The following PI4KA variants were observed in gnomAD, a reference collection of about 807,000 sequenced individuals.
The protein encoded by PI4KA is phosphatidylinositol 4-kinase alpha.
PI4KA carries 122 observed loss-of-function variants against 271.4 expected under a neutral mutation model. The ratio of observed to expected loss-of-function variants is 0.45; its 90% CI spans 0.39 to 0.52. The LOEUF (loss-of-function observed/expected upper bound fraction) is 0.52. PI4KA is among the 20% of genes least tolerant of loss of function. The pLI, the probability that PI4KA is intolerant of heterozygous loss-of-function variation, is 0.00. For missense variants in PI4KA, 1,969 were observed against 2,769.1 expected, an observed-to-expected ratio of 0.71 and a Z score of 6.48; for synonymous variants, 1,041 against 1,078.8, an observed-to-expected ratio of 0.96 and a Z score of 0.69.
At chr22:20,768,264 C>G (rs1024132745) in intron 19 of PI4KA, among the ~76,000 whole-genome samples, 1 of 151,928 alleles carries the variant, frequency 6.6e-6, no homozygotes, top group Non-Finnish European at 1.5e-5. Flanking sequence ...TAGAGAAAGG[C>G]TCTCACTATG....
At chr22:20,730,857 A>C (rs1401620401) in intron 36 of PI4KA, among the ~76,000 whole-genome samples, 3 of 152,020 alleles carry the variant, frequency 2.0e-5, no homozygotes, top group African/African-American at 7.2e-5. Context: ...GGCGTGAGTC[A>C]CTACACCTGG....
Position 20,765,181 on chromosome 22 carries a change from G to A in PI4KA, c.2493C>T (p.Pro831=). The stretch of plus-strand genomic sequence containing the variant: ...GCTCCTTGCTGGGAAAGGTGAGCAA[G>A]GGGGACTTAGTGGCTATTTCACAGA... ...EGVCEIATKS[P]LLTFPSKEPL... The change falls in exon 21 of 55, where the codon CCC becomes CCT. Residue 831 remains proline, a synonymous_variant. Transcript: ENST00000255882. The A allele has an allele frequency of 1.9e-6, 3 of 1,613,914 alleles. No individual in the cohort carries two copies. Among genetic ancestry groups the A allele is most frequent in the African/African-American group, 1.3e-5 (1 of 75,038 alleles).
chr22:20,747,664 C>G lies in PI4KA; in HGVS notation c.3282G>C (p.Leu1094=). Residue 1094 remains leucine (L), a synonymous_variant, in exon 29 of 55, where the codon CTG becomes CTC. Transcript: ENST00000255882. ...LNKHQNWVSG[L]SQHTGLAMAT... The stretch of plus-strand genomic sequence containing the variant: ...CCATGGCCAGCCCCGTGTGCTGGGA[C>G]AGTCCCGATACCCAGTTCTGATGTT... 6.2e-7 allele frequency: 1 copy of G among 1,613,596 alleles called. No homozygotes were observed. Among genetic ancestry groups the G allele is most frequent in the South Asian group, 1.1e-5 (1 of 91,074 alleles).
At chr22:20,834,483 A>G in intron 3 of PI4KA, 79 bp downstream of exon 3, 6 of 868,098 alleles carry the variant, frequency 6.9e-6, no homozygotes, top group Non-Finnish European at 7.8e-6. Flanking sequence ...ATGTGTCAGT[A>G]TGAATAAACA....
intron 23 of PI4KA, among the ~76,000 whole-genome samples, chr22:20,756,502 G>C (rs1931322013): frequency 6.6e-6 from 1 of 152,052 alleles, no homozygotes. Context: ...TTACAGGCGT[G>C]AGCCACCACA....
chr22:20,784,064 A>T, intron 19 of PI4KA: 1 of 1,614,172 alleles, frequency 6.2e-7, no homozygotes, highest in Non-Finnish European at 8.5e-7. Flanking sequence ...CATGATGCAG[A>T]CCAAGGGGAA....
intron 23 of PI4KA, among the ~76,000 whole-genome samples, chr22:20,758,189 C>A (rs1054698220): frequency 6.6e-6 from 1 of 151,746 alleles, no homozygotes; most frequent in Non-Finnish European, 1.5e-5. Context: ...CACAGTGAAA[C>A]CCCGTCTCTA....
At chr22:20,819,490 GGACAA>G in intron 6 of PI4KA, 146 bp downstream of exon 6, 2 of 713,552 alleles carry the variant, frequency 2.8e-6, no homozygotes, top group African/African-American at 1.8e-5. Flanking sequence ...ATCTTAAGAG[GGACAA>G]GACAAGTCTT....
intron 18 of PI4KA, among the ~76,000 whole-genome samples, chr22:20,795,243 T>C (rs533488528): frequency 1.3e-5 from 2 of 152,060 alleles, no homozygotes; most frequent in East Asian, 3.9e-4. Flanking sequence ...CCAAGTGTTA[T>C]CAACACCAAC....
At position 20,764,936 on chromosome 22, in the gene PI4KA, C is replaced by A; in HGVS notation, c.2589G>T (p.Glu863Asp). 6.2e-7 allele frequency: 1 copy of A among 1,607,772 alleles called. No individual in the cohort carries two copies. The highest frequency in any genetic ancestry group is 8.5e-7 in the Non-Finnish European group (1 of 1,175,354). ...NDTVTPAELSELRSTIINLLD... is the reference protein window; with the variant it reads ...NDTVTPAELSDLRSTIINLLD... ...GCAGGTTGATGATAGTGCTGCGGAGCTCACTCAGCTCAGCCTGGAGGGAGA... is the reference window on the plus strand; with the variant it reads ...GCAGGTTGATGATAGTGCTGCGGAGATCACTCAGCTCAGCCTGGAGGGAGA... The change falls in exon 22 of 55, where the codon GAG (glutamate) becomes GAT (aspartate). Residue 863 changes from glutamate (E) to aspartate (D), a missense_variant. By Grantham distance (45) the Glu-to-Asp change is conservative. This residue lies in a region of PI4KA where 368 missense variants were observed against 544.3 expected (regional missense o/e 0.68). Coordinates refer to ENST00000255882, the MANE Select transcript of PI4KA (RefSeq NM_058004.4).
chr22:20,726,583 G>T (rs375974524), intron 41 of PI4KA, 42 bp from the exon 42 acceptor site: 16 of 1,546,932 alleles, frequency 1.0e-5, no homozygotes, highest in African/African-American at 2.8e-5. Context: ...TCTGAGAGCA[G>T]AGCCACCCAA....
intron 1 of PI4KA, among the ~76,000 whole-genome samples, chr22:20,843,675 T>G (rs1392752057): frequency 1.3e-5 from 2 of 152,190 alleles, no homozygotes; most frequent in Non-Finnish European, 2.9e-5. Context: ...ACGTTCACTT[T>G]CAGGCAGGCC....
intron 18 of PI4KA, 88 bp from the exon 19 acceptor site, chr22:20,793,331 A>T (rs982389480): frequency 1.3e-6 from 1 of 760,318 alleles, no homozygotes; most frequent in Non-Finnish European, 2.3e-6. Context: ...AGTGTTATGT[A>T]AACCTGGAAT....
chr22:20,783,069 TGA>T (rs1417279176), intron 19 of PI4KA, among the ~76,000 whole-genome samples: 1 of 152,096 alleles, frequency 6.6e-6, no homozygotes, highest in Non-Finnish European at 1.5e-5. Context: ...GGAGCAGAAA[TGA>T]GATAATACAG....
intron 19 of PI4KA, among the ~76,000 whole-genome samples, chr22:20,785,597 C>T (rs549288849): frequency 2.0e-5 from 3 of 152,178 alleles, no homozygotes; most frequent in South Asian, 4.1e-4. Context: ...CTAGTATATA[C>T]AGGAAAGGTT....
At chr22:20,822,988 AC>A (rs1194223677) in intron 4 of PI4KA, among the ~76,000 whole-genome samples, 1 of 152,180 alleles carries the variant, frequency 6.6e-6, no homozygotes, top group Non-Finnish European at 1.5e-5. Context: ...ATCTCAGCTC[AC>A]TGCAACCTCT....
chr22:20,751,795 T>G, intron 25 of PI4KA, 40 bp from the exon 26 acceptor site: 1 of 1,576,798 alleles, frequency 6.3e-7, no homozygotes, highest in Non-Finnish European at 8.7e-7. Context: ...GAGCCAAACC[T>G]CCAAGGAAGG....
At chr22:20,830,471 T>G (rs1041659753) in intron 3 of PI4KA, among the ~76,000 whole-genome samples, 4 of 152,244 alleles carry the variant, frequency 2.6e-5, no homozygotes, top group Non-Finnish European at 5.9e-5. Flanking sequence ...CAATCCCTGC[T>G]CTTTTTTCCA....
At chr22:20,761,174 C>T in intron 23 of PI4KA, 130 bp downstream of exon 23, 1 of 663,628 alleles carries the variant, frequency 1.5e-6, no homozygotes, top group Non-Finnish European at 2.8e-6. Context: ...ATGTTTTATA[C>T]TGATCTTTCT....
Sources: allele counts gnomAD v4.1 joint callset (sites outside exome capture counted in the v4.1 genomes callset), GRCh38; gene constraint gnomAD v4.1.1; regional missense constraint gnomAD v4.1.1; transcripts MANE v1.5; gene names NCBI Gene and HGNC (gene_info 2026-07-23, HGNC 2026-07-21).